The following UBE3D variants were observed in gnomAD, a reference collection of about 807,000 sequenced individuals.
UBE3D encodes ubiquitin protein ligase E3D, also known as E3 ubiquitin-protein ligase E3D.
A neutral mutation model predicts 49.6 loss-of-function variants in UBE3D; 48 were observed. The observed-to-expected ratio is 0.97, with a 90% CI of 0.77 to 1.23. The LOEUF (loss-of-function observed/expected upper bound fraction) is 1.23. UBE3D is among the 50% of genes most tolerant of loss of function. The pLI, the probability that UBE3D is intolerant of heterozygous loss-of-function variation, is 0.00. For missense variants in UBE3D, 452 were observed against 468.4 expected (o/e 0.96, Z 0.32); for synonymous variants, 189 against 174.2 (o/e 1.08, Z -0.67).
chr6:82,971,858 T>TGGA (rs1777374734), intron 8 of UBE3D, among the ~76,000 whole-genome samples: 1 of 152,196 alleles, frequency 6.6e-6, no homozygotes, highest in Admixed American at 6.5e-5. Flanking sequence ...TGGCATTATT[T>TGGA]ATAGAAGCTT....
rs1483978887 is a variant in UBE3D, at chr6:82,957,274, C to T, written c.1149+38G>A. The T allele has an allele frequency of 6.2e-6, 10 of 1,600,428 alleles. No homozygotes were observed. The Admixed American group carries it at 6.9e-5, about 11-fold the overall frequency. On this transcript the variant is annotated intron_variant, in intron 9 of 9. Coordinates refer to ENST00000369747, the MANE Select transcript of UBE3D (RefSeq NM_198920.3). ...CCTTAAAAAATAATTCCAAGTAAAA[C>T]TGAGAAATCACGGCCTAGAAAAGAA... is the stretch of plus-strand genomic sequence containing the variant.
intron 6 of UBE3D, among the ~76,000 whole-genome samples, chr6:83,023,742 G>C (rs1781260571): frequency 1.3e-5 from 2 of 152,180 alleles, no homozygotes; most frequent in African/African-American, 2.4e-5. Context: ...GAAAAGGCAG[G>C]GGGAGGGGTA....
chr6:82,898,643 C>T (rs1361277967), intron 9 of UBE3D, among the ~76,000 whole-genome samples: 1 of 149,602 alleles, frequency 6.7e-6, no homozygotes, highest in East Asian at 2.0e-4. Context: ...CACATGGACA[C>T]AGGGAGAGGA....
At chr6:82,940,066 A>G (rs1053277034) in intron 9 of UBE3D, among the ~76,000 whole-genome samples, 7 of 152,116 alleles carry the variant, frequency 4.6e-5, no homozygotes, top group African/African-American at 1.7e-4. Flanking sequence ...TGGGTAGGGA[A>G]TCGGCCTTTT....
intron 8 of UBE3D, among the ~76,000 whole-genome samples, chr6:82,968,839 T>A (rs1453264047): frequency 3.9e-5 from 6 of 152,194 alleles, no homozygotes; most frequent in African/African-American, 1.4e-4. Context: ...TTGCTTTCTG[T>A]GAATTACATT....
At chr6:83,032,176 C>T (rs1781923258) in intron 5 of UBE3D, 3 of 455,944 alleles carry the variant, frequency 6.6e-6, no homozygotes, top group South Asian at 3.1e-5. Context: ...ACAGCTTACA[C>T]CGTATGCCTA....
intron 8 of UBE3D, among the ~76,000 whole-genome samples, chr6:82,983,732 A>G (rs1282798306): frequency 2.6e-5 from 4 of 152,136 alleles, no homozygotes; most frequent in African/African-American, 9.7e-5. Flanking sequence ...TCCACATACA[A>G]CAGTCTCAGT....
chr6:83,019,014 G>C lies in UBE3D; in HGVS notation c.969C>G (p.Val323=), dbSNP rs759650531. The part of the protein sequence containing the change: ...KADSSSAWSA[V]KVLYQPCIKS... ...TGATGCATGGCTGGTAGAGGACCTT[G>C]ACAGCACTCCAGGCAGAACTAGAAT... The change falls in exon 8 of 10, where the codon GTC becomes GTG. Residue 323 remains valine, a synonymous_variant. Coordinates refer to ENST00000369747, the MANE Select transcript of UBE3D (RefSeq NM_198920.3). The C allele has an allele frequency of 3.1e-6, 5 of 1,613,654 alleles. No homozygotes were observed. The highest frequency in any genetic ancestry group is 4.2e-6 in the Non-Finnish European group (5 of 1,179,836).
At chr6:82,935,442 C>T (rs1426206944) in intron 9 of UBE3D, among the ~76,000 whole-genome samples, 1 of 152,050 alleles carries the variant, frequency 6.6e-6, no homozygotes, top group Non-Finnish European at 1.5e-5. Flanking sequence ...ATTCAAACTA[C>T]ATCACCAATA....
chr6:83,026,054 G>C (rs930678741), intron 5 of UBE3D, among the ~76,000 whole-genome samples: 2 of 151,938 alleles, frequency 1.3e-5, no homozygotes, highest in African/African-American at 4.8e-5. Context: ...AAAAATTGAG[G>C]ATGGGTTAAA....
chr6:83,022,361 C>A, intron 7 of UBE3D, 92 bp downstream of exon 7: 1 of 846,198 alleles, frequency 1.2e-6, no homozygotes, highest in East Asian at 3.1e-5. Flanking sequence ...ATTTTCCACA[C>A]CTGAGAATTA....
chr6:83,015,590 T>C (rs534593976), intron 8 of UBE3D, among the ~76,000 whole-genome samples: 1 of 152,278 alleles, frequency 6.6e-6, no homozygotes, highest in South Asian at 2.1e-4. Flanking sequence ...TCTGTTTATA[T>C]ACATTAGAAA....
intron 7 of UBE3D, among the ~76,000 whole-genome samples, chr6:83,020,345 T>TTTTTTTTGTTTG (rs1554204643): frequency 1.4e-5 from 2 of 140,520 alleles, no homozygotes; most frequent in African/African-American, 6.1e-5. Context: ...GATACTGTTT[T>TTTTTTTTGTTTG]TTTTTTTTTT....
intron 8 of UBE3D, among the ~76,000 whole-genome samples, chr6:82,978,773 G>A (rs1350290801): frequency 6.6e-6 from 1 of 152,146 alleles, no homozygotes; most frequent in Admixed American, 6.6e-5. Context: ...GCACCCATCC[G>A]TATGTTTAAA....
intron 4 of UBE3D, among the ~76,000 whole-genome samples, chr6:83,039,989 G>A (rs1471838921): frequency 6.6e-6 from 1 of 152,134 alleles, no homozygotes; most frequent in Non-Finnish European, 1.5e-5. Flanking sequence ...ATATGACAGT[G>A]CTTCAAACAC....
intron 7 of UBE3D, 97 bp from the exon 8 acceptor site, chr6:83,019,233 AG>A: frequency 1.8e-6 from 2 of 1,138,218 alleles, no homozygotes; most frequent in Non-Finnish European, 2.4e-6. Flanking sequence ...TGAAAATACC[AG>A]AAAAAATAAA....
intron 8 of UBE3D, among the ~76,000 whole-genome samples, chr6:82,977,811 C>G (rs1777834122): frequency 6.6e-6 from 1 of 152,078 alleles, no homozygotes; most frequent in South Asian, 2.1e-4. Context: ...GCACTCCAGC[C>G]TAGGCAACAA....
chr6:82,925,872 G>C (rs1773711427), intron 9 of UBE3D, among the ~76,000 whole-genome samples: 1 of 151,966 alleles, frequency 6.6e-6, no homozygotes, highest in Non-Finnish European at 1.5e-5. Context: ...TCTATACTTT[G>C]TTCCTACTAA....
At chr6:83,032,186 A>T (rs979254744) in intron 5 of UBE3D, 3 of 456,072 alleles carry the variant, frequency 6.6e-6, no homozygotes, top group Middle Eastern at 3.8e-4. Context: ...CCGTATGCCT[A>T]GAAAAGCCAC....
Sources: allele counts gnomAD v4.1 joint callset (sites outside exome capture counted in the v4.1 genomes callset), GRCh38; gene constraint gnomAD v4.1.1; transcripts MANE v1.5; gene names NCBI Gene and HGNC (gene_info 2026-07-23, HGNC 2026-07-21).